The following ANO5 variants were observed in gnomAD, a reference collection of about 807,000 sequenced individuals.
The protein encoded by ANO5 is anoctamin-5.
Under a neutral mutation model 121.0 loss-of-function variants are expected in ANO5, and 109 were observed. The ratio of observed to expected loss-of-function variants is 0.90; its 90% CI spans 0.77 to 1.06. ANO5 has a LOEUF of 1.06. ANO5 is among the 50% of genes least tolerant of loss of function. The pLI, the probability that ANO5 is intolerant of heterozygous loss-of-function variation, is 0.00. For synonymous variants in ANO5, 406 were observed against 359.9 expected, an observed-to-expected ratio of 1.13 and a Z score of -1.45; for missense variants, 1,064 against 1,078.5, an observed-to-expected ratio of 0.99 and a Z score of 0.19.
At chr11:22,244,908 T>A (rs1328982564) in intron 9 of ANO5, among the ~76,000 whole-genome samples, 1 of 152,150 alleles carries the variant, frequency 6.6e-6, no homozygotes, top group Non-Finnish European at 1.5e-5. Flanking sequence ...GAAGCATTGC[T>A]GAGGAGCTCA....
chr11:22,257,181 A>G (rs545923919), intron 13 of ANO5, among the ~76,000 whole-genome samples: 1 of 152,250 alleles, frequency 6.6e-6, no homozygotes, highest in African/African-American at 2.4e-5. Flanking sequence ...TGTATAATCA[A>G]TATCTTTCAT....
intron 15 of ANO5, among the ~76,000 whole-genome samples, chr11:22,261,914 C>T (rs1854200131): frequency 6.6e-6 from 1 of 152,134 alleles, no homozygotes; most frequent in African/African-American, 2.4e-5. Context: ...ACAATAGCTT[C>T]CTAGGCTTTT....
intron 5 of ANO5, among the ~76,000 whole-genome samples, chr11:22,222,552 C>A (rs931880525): frequency 6.6e-6 from 1 of 151,884 alleles, no homozygotes; most frequent in Non-Finnish European, 1.5e-5. Context: ...CTCACCAGGA[C>A]CAGATAAGAT....
chr11:22,265,328 G>A (rs1489408654), intron 17 of ANO5, among the ~76,000 whole-genome samples: 2 of 152,092 alleles, frequency 1.3e-5, no homozygotes, highest in African/African-American at 2.4e-5. Flanking sequence ...TGAAAATAGT[G>A]TTCCCCTTTC....
In ANO5 at chr11:22,193,321, G is replaced by GGAGGGGGAGAAGGAGGAGGGGAAT; in HGVS notation, c.-168_-167insGGGAGAAGGAGGAGGGGAATGAGG. On this transcript the variant is annotated 5_prime_UTR_variant, in exon 1 of 22. It adds an upstream start codon to the 5' untranslated region. Transcript: ENST00000324559. Reference sequence around the variant, plus strand: ...GGCGCCCAGAGACGGTGGAGTCCGAGGAGGAGGAGAAGGAGGCCTGCAGAA... The same window carrying GGAGGGGGAGAAGGAGGAGGGGAAT: ...GGCGCCCAGAGACGGTGGAGTCCGAGGAGGGGGAGAAGGAGGAGGGGAATGAGGAGGAGAAGGAGGCCTGCAGAA... 1 of 320,362 alleles carries GGAGGGGGAGAAGGAGGAGGGGAAT rather than the reference G, an allele frequency of 3.1e-6. No individual in the cohort carries two copies. The highest frequency in any genetic ancestry group is 4.3e-6 in the Non-Finnish European group (1 of 235,194). 19.8% of individuals were successfully genotyped at this position (320,362 alleles called of 1,614,324 possible).
intron 16 of ANO5, among the ~76,000 whole-genome samples, chr11:22,262,626 G>A (rs1854227298): frequency 6.6e-6 from 1 of 152,200 alleles, no homozygotes; most frequent in Admixed American, 6.5e-5. Flanking sequence ...AGTAGAGTTA[G>A]AACAGATCCA....
At chr11:22,271,346 C>A (rs1043640971) in intron 18 of ANO5, among the ~76,000 whole-genome samples, 1 of 152,106 alleles carries the variant, frequency 6.6e-6, no homozygotes, top group Non-Finnish European at 1.5e-5. Flanking sequence ...CAGCGCCCAG[C>A]CAGGAAAATA....
Position 22,262,247 on chromosome 11 carries a change from A to C in ANO5, c.1749A>C (p.Val583=). 7 of 1,613,890 alleles carry C rather than the reference A, an allele frequency of 4.3e-6. No homozygotes were observed. Among genetic ancestry groups the C allele is most frequent in the Non-Finnish European group, 5.1e-6 (6 of 1,179,920 alleles). ...TAGCTTTCTTTAAAGGGAAGTTCGT[A>C]GGCTATCCTGGAAAATACACATATT... ...FYVAFFKGKF[V]GYPGKYTYLF... Residue 583 remains valine, a synonymous_variant, in exon 16 of 22, where the codon GTA becomes GTC. Coordinates refer to ENST00000324559, the MANE Select transcript of ANO5 (RefSeq NM_213599.3).
intron 1 of ANO5, among the ~76,000 whole-genome samples, chr11:22,200,932 C>T (rs1263247029): frequency 6.6e-6 from 1 of 152,054 alleles, no homozygotes; most frequent in Admixed American, 6.6e-5. Flanking sequence ...ACTGTTGTCT[C>T]TCAGTATCCA....
chr11:22,193,693 A>C (rs1350475823), intron 1 of ANO5, among the ~76,000 whole-genome samples, 161 bp downstream of exon 1: 1 of 152,124 alleles, frequency 6.6e-6, no homozygotes, highest in Non-Finnish European at 1.5e-5. Flanking sequence ...ACTGCGGGGC[A>C]GAGTCCCCCG....
chr11:22,250,333 T>C lies in ANO5; in HGVS notation c.975T>C (p.Phe325=). 1 of 1,613,564 alleles carries C rather than the reference T, an allele frequency of 6.2e-7. No individual in the cohort carries two copies. Among genetic ancestry groups the C allele is most frequent in the South Asian group, 1.1e-5 (1 of 91,054 alleles). ...FFAAVVGLAC[F]IYGLLSMEHN... ...CAGCTGTAGTTGGCTTAGCTTGTTT[T>C]ATTTATGGCTTATTATCAATGGAAC... Residue 325 remains phenylalanine, a synonymous_variant, in exon 10 of 22, where the codon TTT becomes TTC. Transcript: ENST00000324559.
At position 22,193,435 on chromosome 11, in the gene ANO5, T is replaced by C; in HGVS notation, c.-58T>C. On this transcript the variant is annotated 5_prime_UTR_variant, in exon 1 of 22. Transcript: ENST00000324559. The stretch of plus-strand genomic sequence containing the variant: ...CCTGCCTCAGATCTCCACGTCTGTC[T>C]CAGCTGCCCCTCTCCTGCTGCCTCT... 2 of 1,579,718 alleles carry C rather than the reference T, an allele frequency of 1.3e-6. No individual in the cohort carries two copies. Among genetic ancestry groups the C allele is most frequent in the Non-Finnish European group, 8.6e-7 (1 of 1,163,618 alleles).
chr11:22,238,512 TTTA>T (rs1488726817), intron 8 of ANO5, among the ~76,000 whole-genome samples: 13 of 152,158 alleles, frequency 8.5e-5, no homozygotes, highest in Non-Finnish European at 1.9e-4. Flanking sequence ...TTAATCTTTC[TTTA>T]CTTCTGAATG....
intron 3 of ANO5, among the ~76,000 whole-genome samples, chr11:22,213,341 G>A (rs1032181606): frequency 2.0e-5 from 3 of 151,778 alleles, no homozygotes; most frequent in Admixed American, 6.6e-5. Context: ...CTCTTGGTTG[G>A]GACAGTTTCA....
intron 9 of ANO5, among the ~76,000 whole-genome samples, chr11:22,241,403 T>C (rs1030766997): frequency 6.6e-6 from 1 of 151,976 alleles, no homozygotes; most frequent in Admixed American, 6.6e-5. Flanking sequence ...GCTTTGAGCA[T>C]ATGCCCAGTA....
At chr11:22,199,003 G>A (rs1851888480) in intron 1 of ANO5, among the ~76,000 whole-genome samples, 1 of 152,132 alleles carries the variant, frequency 6.6e-6, no homozygotes, top group African/African-American at 2.4e-5. Context: ...TATTTTTCAA[G>A]CATTTCCCTT....
chr11:22,276,028 A>T (rs752000468), intron 20 of ANO5, 66 bp from the exon 21 acceptor site: 14 of 1,060,420 alleles, frequency 1.3e-5, no homozygotes, highest in Admixed American at 9.3e-5. Flanking sequence ...AAATTATGTG[A>T]GGTCTCTCTA....
chr11:22,266,956 C>T (rs1564946551), intron 17 of ANO5, among the ~76,000 whole-genome samples: 2 of 152,166 alleles, frequency 1.3e-5, no homozygotes, highest in Non-Finnish European at 2.9e-5. Context: ...CAGTTGGAAA[C>T]CACGGCTTTA....
intron 7 of ANO5, among the ~76,000 whole-genome samples, chr11:22,228,908 C>G (rs1162059566): frequency 6.6e-6 from 1 of 151,884 alleles, no homozygotes; most frequent in Non-Finnish European, 1.5e-5. Flanking sequence ...GATTCCACAT[C>G]TTGGGTATCG....
Sources: allele counts gnomAD v4.1 joint callset (sites outside exome capture counted in the v4.1 genomes callset), GRCh38; gene constraint gnomAD v4.1.1; transcripts MANE v1.5; gene names NCBI Gene and HGNC (gene_info 2026-07-23, HGNC 2026-07-21).